Variants in RDX observed in about 807,000 individuals in gnomAD.
RDX encodes radixin, also known as deafness, autosomal recessive 24.
RDX carries 32 observed loss-of-function variants against 83.7 expected under a neutral mutation model. The ratio of observed to expected loss-of-function variants is 0.38; its 90% CI spans 0.29 to 0.51. The LOEUF (loss-of-function observed/expected upper bound fraction) is 0.51. Ranked by LOEUF, RDX falls within the 20% of genes least tolerant of loss-of-function variation. The pLI is 0.87. For synonymous variants in RDX, 229 were observed against 222.7 expected (o/e 1.03, Z -0.25); for missense variants, 600 against 689.9 (o/e 0.87, Z 1.46).
chr11:110,284,571 AG>A (rs1302964554), intron 1 of RDX, among the ~76,000 whole-genome samples: 1 of 151,038 alleles, frequency 6.6e-6, no homozygotes, highest in Non-Finnish European at 1.5e-5. Flanking sequence ...CCCAGGCTGG[AG>A]TGCAGTGGCG....
At chr11:110,238,385 G>C (rs558333965) in intron 10 of RDX, among the ~76,000 whole-genome samples, 93 of 152,214 alleles carry the variant, frequency 6.1e-4, no homozygotes, top group African/African-American at 2.2e-3. Flanking sequence ...ATTTTTAAGA[G>C]AGTTTAACAG....
intron 2 of RDX, chr11:110,273,210 C>T (rs545410726): frequency 4.2e-5 from 15 of 355,804 alleles, no homozygotes; most frequent in African/African-American, 1.9e-4. Context: ...AAGACCCTGC[C>T]TCCAAAAACA....
Position 110,233,458 on chromosome 11 carries a change from A to G in RDX, c.1366T>C (p.Leu456=). 6.2e-7 allele frequency: 1 copy of G among 1,614,136 alleles called. No homozygotes were observed. The highest frequency in any genetic ancestry group is 8.5e-7 in the Non-Finnish European group (1 of 1,180,016). The part of the protein sequence containing the change: ...QHKAFAAQED[L]EKTKEELKTV... ...TTTAACTCTTCTTTGGTCTTTTCCAAGTCTTCCTGGGCTGCAAAAGCCTGA... is the reference window on the plus strand; with the variant it reads ...TTTAACTCTTCTTTGGTCTTTTCCAGGTCTTCCTGGGCTGCAAAAGCCTGA... Residue 456 remains leucine, a synonymous_variant, in exon 13 of 14, where the codon TTG becomes CTG. Transcript: ENST00000645495.
intron 15 of RDX, among the ~76,000 whole-genome samples, chr11:110,187,826 C>T (rs1456623097): frequency 6.6e-6 from 1 of 152,198 alleles, no homozygotes; most frequent in East Asian, 1.9e-4. Context: ...CAACCCATTG[C>T]CTGAGGAAAA....
At chr11:110,194,673 G>C (rs143067999) in intron 15 of RDX, among the ~76,000 whole-genome samples, 1 of 152,318 alleles carries the variant, frequency 6.6e-6, no homozygotes, top group East Asian at 1.9e-4. Flanking sequence ...AAAAGTGCCT[G>C]ATAACCAAAG....
intron 1 of RDX, among the ~76,000 whole-genome samples, chr11:110,286,064 A>AT: frequency 6.6e-6 from 1 of 152,132 alleles, no homozygotes; most frequent in South Asian, 2.1e-4. Context: ...AATTCTCTTA[A>AT]TTTTAATCTG....
At chr11:110,194,777 G>A (rs938820373) in intron 15 of RDX, among the ~76,000 whole-genome samples, 2 of 152,190 alleles carry the variant, frequency 1.3e-5, no homozygotes, top group East Asian at 3.8e-4. Flanking sequence ...CCTGTAGGAG[G>A]AGGTTGTCTC....
intron 4 of RDX, 87 bp downstream of exon 4, chr11:110,264,692 C>T (rs1859949769): frequency 1.1e-6 from 1 of 915,782 alleles, no homozygotes; most frequent in Admixed American, 2.2e-5. Flanking sequence ...AGGAAGCTTG[C>T]AATCAGTCAG....
At chr11:110,277,453 G>A (rs1860567693) in intron 2 of RDX, among the ~76,000 whole-genome samples, 2 of 152,048 alleles carry the variant, frequency 1.3e-5, no homozygotes, top group Admixed American at 6.6e-5. Context: ...CCAAGTAGCT[G>A]GGATTACAGG....
intron 14 of RDX, among the ~76,000 whole-genome samples, chr11:110,201,898 T>C (rs1222568059): frequency 1.4e-5 from 2 of 143,686 alleles, no homozygotes; most frequent in Non-Finnish European, 3.0e-5. Context: ...CACATCCGGC[T>C]AATTTTGTGT....
chr11:110,187,563 T>G (rs1863011604), intron 15 of RDX, among the ~76,000 whole-genome samples: 1 of 152,230 alleles, frequency 6.6e-6, no homozygotes, highest in South Asian at 2.1e-4. Context: ...GAGTTTAGGA[T>G]GCCCCCACTC....
chr11:110,245,121 T>A (rs1859045041), intron 10 of RDX, among the ~76,000 whole-genome samples: 1 of 151,986 alleles, frequency 6.6e-6, no homozygotes, highest in Admixed American at 6.5e-5. Flanking sequence ...CCTGCTAATT[T>A]TGTAATTTTG....
In RDX at chr11:110,279,577, C is replaced by A. The variant is rs567882058; in HGVS notation, c.12+104G>T. ...AGAGAAATAACAGTAGTATCAGTGCCTTTTTCTTCCAACAACTCTACCAAC... is the reference window on the plus strand; with the variant it reads ...AGAGAAATAACAGTAGTATCAGTGCATTTTTCTTCCAACAACTCTACCAAC... On this transcript the variant is annotated intron_variant, in intron 2 of 13. Coordinates refer to ENST00000645495, the MANE Select transcript of RDX (RefSeq NM_002906.4). 7.4e-6 allele frequency: 6 copies of A among 806,564 alleles called. 1 individual carries two copies. In the East Asian group the frequency reaches 1.5e-4, roughly 20 times the overall value. 50.0% of individuals were successfully genotyped at this position (806,564 alleles called of 1,614,324 possible). A position where few individuals can be genotyped will look rare whatever the true frequency, so the allele number is the denominator to read the frequency against.
intron 15 of RDX, among the ~76,000 whole-genome samples, chr11:110,184,848 T>C (rs1862955736): frequency 6.6e-6 from 1 of 152,158 alleles, no homozygotes; most frequent in African/African-American, 2.4e-5. Context: ...ATGTCAATTA[T>C]ATAAAGTGCA....
At chr11:110,225,456 C>G (rs1470534156), downstream of RDX, among the ~76,000 whole-genome samples, 1 of 152,058 alleles carries the variant, frequency 6.6e-6, no homozygotes, top group Non-Finnish European at 1.5e-5. Flanking sequence ...CTTGAATAGA[C>G]ATTTCTCCAA....
chr11:110,229,824 G>A lies in RDX; in HGVS notation c.*2045C>T, dbSNP rs1864555516. On this transcript the variant is annotated 3_prime_UTR_variant, in exon 14 of 14. Coordinates refer to ENST00000645495, the MANE Select transcript of RDX (RefSeq NM_002906.4). Reference sequence around the variant, plus strand: ...TATGGTAGTGCACATAATTCAAAATGAGGAAAATTAACAAAAATCCAATGA... The same window carrying A: ...TATGGTAGTGCACATAATTCAAAATAAGGAAAATTAACAAAAATCCAATGA... 6.6e-6 allele frequency: 1 copy of A among 152,428 alleles called. No individual in the cohort carries two copies. Among genetic ancestry groups the A allele is most frequent in the Non-Finnish European group, 1.5e-5 (1 of 67,922 alleles). 9.4% of individuals were successfully genotyped at this position (152,428 alleles called of 1,614,324 possible). A position where few individuals can be genotyped will look rare whatever the true frequency, so the allele number is the denominator to read the frequency against.
chr11:110,175,127 A>G lies in RDX; in HGVS notation c.*139T>C, dbSNP rs944103821. The G allele has an allele frequency of 2.0e-5, 3 of 152,208 alleles. No homozygotes were observed. The South Asian group carries it at 6.2e-4, about 32-fold the overall frequency. The allele number at this position is 152,208 out of a possible 1,614,324, so 9.4% of individuals were successfully genotyped here. Reference sequence around the variant, plus strand: ...GGGTTCACTGCTTAAGGCCCCAGAAAAACCCAGGGCCCGCTGCGTCTGATA... The same window carrying G: ...GGGTTCACTGCTTAAGGCCCCAGAAGAACCCAGGGCCCGCTGCGTCTGATA... On this transcript the variant is annotated 3_prime_UTR_variant, in exon 16 of 16. Coordinates refer to the RDX transcript ENST00000528498.
At chr11:110,239,176 T>C (rs1864982355) in intron 10 of RDX, among the ~76,000 whole-genome samples, 1 of 146,174 alleles carries the variant, frequency 6.8e-6, no homozygotes, top group African/African-American at 2.5e-5. Flanking sequence ...CAGTAAACAA[T>C]CTGAAAAAGA....
chr11:110,177,704 G>A (rs917551244), intron 15 of RDX, among the ~76,000 whole-genome samples: 5 of 151,938 alleles, frequency 3.3e-5, no homozygotes, highest in African/African-American at 1.2e-4. Flanking sequence ...GGCTGGTCTC[G>A]AACTCCTGAC....
Sources: allele counts gnomAD v4.1 joint callset (sites outside exome capture counted in the v4.1 genomes callset), GRCh38; gene constraint gnomAD v4.1.1; transcripts MANE v1.5; gene names NCBI Gene and HGNC (gene_info 2026-07-23, HGNC 2026-07-21).